The following FAM217A variants were observed in gnomAD, a reference collection of about 807,000 sequenced individuals.
FAM217A encodes the protein protein FAM217A.
Under a neutral mutation model 18.5 loss-of-function variants are expected in FAM217A, and 13 were observed. That is an observed-to-expected ratio of 0.70 (90% confidence interval 0.46 to 1.12). The LOEUF is 1.12. Ranked by LOEUF, FAM217A falls within the 50% of genes most tolerant of loss-of-function variation. The pLI is 0.00. For missense variants in FAM217A, 560 were observed against 575.4 expected (o/e 0.97, Z 0.27); for synonymous variants, 161 against 202.8 (o/e 0.79, Z 1.75).
intron 1 of FAM217A, among the ~76,000 whole-genome samples, chr6:4,085,311 A>AAAAAAATATATATATATAT (rs377046907): frequency 6.8e-6 from 1 of 146,420 alleles, no homozygotes; most frequent in East Asian, 2.0e-4. Flanking sequence ...TGTAAAAAAA[A>AAAAAAATATATATATATAT]ATATATATAT....
chr6:4,081,255 T>G (rs1770276091), upstream of FAM217A, among the ~76,000 whole-genome samples: 1 of 152,224 alleles, frequency 6.6e-6, no homozygotes, highest in South Asian at 2.1e-4. Context: ...GATAATCCAA[T>G]GAAGCAGGTA....
exon 1 of FAM217A, chr6:4,087,023 G>A: frequency 2.5e-6 from 1 of 398,970 alleles, no homozygotes. Flanking sequence ...TGTTAATCTG[G>A]GCATTTCCTC....
intron 4 of FAM217A, among the ~76,000 whole-genome samples, chr6:4,073,776 C>G (rs1258115556): frequency 6.6e-6 from 1 of 152,062 alleles, no homozygotes; most frequent in African/African-American, 2.4e-5. Flanking sequence ...ATGTTTTGAT[C>G]AAAAAGGATA....
chr6:4,078,951 C>T lies in FAM217A; in HGVS notation c.-134G>A. ...CGTGGCTGACGGCTTGGAGGGCGCC[C>T]CCTCTGCCGCGGCCTTCCTGCAGCG... is the stretch of plus-strand genomic sequence containing the variant. On this transcript the variant is annotated 5_prime_UTR_variant, in exon 1 of 7. Transcript: ENST00000274673. 1 of 545,778 alleles carries T rather than the reference C, an allele frequency of 1.8e-6. No individual in the cohort carries two copies. The highest frequency in any genetic ancestry group is 3.2e-6 in the Non-Finnish European group (1 of 308,992). 33.8% of individuals were successfully genotyped at this position (545,778 alleles called of 1,614,324 possible).
Position 4,069,745 on chromosome 6 carries a change from TA to T in FAM217A, c.477del (p.Phe159LeufsTer15). On this transcript the variant is annotated frameshift_variant, in exon 7 of 7. Coordinates refer to ENST00000274673, the MANE Select transcript of FAM217A (RefSeq NM_173563.3). LOFTEE classifies it low-confidence loss of function (END_TRUNC). ...LCWPYADGDF[F>X]KNRNEIHVSS... The stretch of plus-strand genomic sequence containing the variant: ...CTAACATGAATCTCATTTCTGTTCT[TA>T]AAAAAGTCTCCATCAGCATAGGGCC... 6.2e-7 allele frequency: 1 copy of T among 1,614,150 alleles called. No individual in the cohort carries two copies. The highest frequency in any genetic ancestry group is 8.5e-7 in the Non-Finnish European group (1 of 1,180,006).
rs555576706 is a variant in FAM217A, at chr6:4,079,086, G to A, written c.-269C>T. 7 of 359,436 alleles carry A rather than the reference G, an allele frequency of 1.9e-5. No individual in the cohort carries two copies. The South Asian group carries it at 9.6e-4, about 49-fold the overall frequency. 22.3% of individuals were successfully genotyped at this position (359,436 alleles called of 1,614,324 possible). On this transcript the variant is annotated 5_prime_UTR_variant, in exon 1 of 7. Coordinates refer to ENST00000274673, the MANE Select transcript of FAM217A (RefSeq NM_173563.3). Reference sequence around the variant, plus strand: ...CGCAGGGGTGGGAGTCGGGCCCGGGGCCCAGAGAGACCTTCCGGGGCCGGG... The same window carrying A: ...CGCAGGGGTGGGAGTCGGGCCCGGGACCCAGAGAGACCTTCCGGGGCCGGG...
At position 4,078,875 on chromosome 6, in the gene FAM217A, C is replaced by A. The variant is rs927957011; in HGVS notation, c.-58G>T. 33 of 549,102 alleles carry A rather than the reference C, an allele frequency of 6.0e-5. No homozygotes were observed. The highest frequency in any genetic ancestry group is 1.0e-4 in the Non-Finnish European group (31 of 305,132). 34.0% of individuals were successfully genotyped at this position (549,102 alleles called of 1,614,324 possible). A position where few individuals can be genotyped will look rare whatever the true frequency, so the allele number is the denominator to read the frequency against. ...ACCGCGCGAAGGCCCACGTGTCCTC[C>A]CCGGCGTGCTCTCCCGGTGCGCCGC... is the stretch of plus-strand genomic sequence containing the variant. On this transcript the variant is annotated 5_prime_UTR_variant, in exon 1 of 7. Transcript: ENST00000274673.
At position 4,069,050 on chromosome 6, in the gene FAM217A, G is replaced by T. The variant is rs751888907; in HGVS notation, c.1173C>A (p.Thr391=). The change falls in exon 7 of 7, where the codon ACC becomes ACA. Residue 391 remains threonine, a synonymous_variant. Coordinates refer to ENST00000274673, the MANE Select transcript of FAM217A (RefSeq NM_173563.3). The part of the protein sequence containing the change: ...SRPLSLKSSS[T]PKQLIETYDK... ...CATAAGTTTCAATCAATTGTTTTGG[G>T]GTGGAAGAACTTTTTAGAGACAGTG... 5.6e-6 allele frequency: 9 copies of T among 1,613,788 alleles called. No homozygotes were observed. In the Admixed American group the frequency reaches 6.7e-5, roughly 12 times the overall value.
At position 4,078,891 on chromosome 6, in the gene FAM217A, G is replaced by A. The variant is rs1770057353; in HGVS notation, c.-74C>T. ...CGTGTCCTCCCCGGCGTGCTCTCCCGGTGCGCCGCCCCGAGGCCCGAGCGC... is the reference window on the plus strand; with the variant it reads ...CGTGTCCTCCCCGGCGTGCTCTCCCAGTGCGCCGCCCCGAGGCCCGAGCGC... On this transcript the variant is annotated 5_prime_UTR_variant, in exon 1 of 7. Coordinates refer to ENST00000274673, the MANE Select transcript of FAM217A (RefSeq NM_173563.3). 1.7e-6 allele frequency: 1 copy of A among 579,716 alleles called. No individual in the cohort carries two copies. Among genetic ancestry groups the A allele is most frequent in the Non-Finnish European group, 3.1e-6 (1 of 322,636 alleles). 35.9% of individuals were successfully genotyped at this position (579,716 alleles called of 1,614,324 possible). A position where few individuals can be genotyped will look rare whatever the true frequency, so the allele number is the denominator to read the frequency against.
At chr6:4,074,148 G>A (rs528431024) in intron 4 of FAM217A, among the ~76,000 whole-genome samples, 39 of 152,112 alleles carry the variant, frequency 2.6e-4, no homozygotes, top group African/African-American at 6.5e-4. Context: ...CACTGCACCC[G>A]GCCTGCTTCA....
Position 4,068,981 on chromosome 6 carries a change from G to C in FAM217A, c.1242C>G (p.Leu414=). ...TATGGCCAATAGTAGGTTTGAATGAGAGTTCTTGGCATGGACTTAAAATAG... is the reference window on the plus strand; with the variant it reads ...TATGGCCAATAGTAGGTTTGAATGACAGTTCTTGGCATGGACTTAAAATAG... ...KSSILSPCQE[L]SFKPTIGHTN... Residue 414 remains leucine (L), a synonymous_variant, in exon 7 of 7, where the codon CTC becomes CTG. Coordinates refer to ENST00000274673, the MANE Select transcript of FAM217A (RefSeq NM_173563.3). 1 of 1,614,148 alleles carries C rather than the reference G, an allele frequency of 6.2e-7. No individual in the cohort carries two copies.
chr6:4,073,234 T>C, intron 6 of FAM217A, 41 bp downstream of exon 6: 1 of 1,415,818 alleles, frequency 7.1e-7, no homozygotes, highest in Non-Finnish European at 9.8e-7. Flanking sequence ...TCTAAATTTA[T>C]TTCAGTAATT....
chr6:4,081,231 C>T (rs1770274301), upstream of FAM217A, among the ~76,000 whole-genome samples: 1 of 152,182 alleles, frequency 6.6e-6, no homozygotes, highest in Admixed American at 6.5e-5. Context: ...ATGGATTAAC[C>T]AATGTATATG....
At chr6:4,079,704 T>C, upstream of FAM217A, 1 of 1,214,122 alleles carries the variant, frequency 8.2e-7, no homozygotes, top group Non-Finnish European at 1.1e-6. Flanking sequence ...CAGACTAAGC[T>C]ACAATATATA....
rs138399485 is a variant in FAM217A, at chr6:4,077,385, G to C, written c.30C>G (p.Asn10Lys). ...GAGAGATGTTTGACACACGTAGGCT[G>C]TTAGCACAGTTCTCATTTCTTCTCC... is the stretch of plus-strand genomic sequence containing the variant. MGRRNENCA[N>K]SLRVSNISQE... The change falls in exon 2 of 7, where the codon AAC becomes AAG. Residue 10 changes from asparagine to lysine, a missense_variant. Transcript: ENST00000274673. The C allele has an allele frequency of 3.8e-5, 61 of 1,614,198 alleles. No individual in the cohort carries two copies. The African/African-American group carries it at 7.7e-4, about 20-fold the overall frequency.
In FAM217A at chr6:4,077,316, C is replaced by A. The variant is rs754593246; in HGVS notation, c.60+39G>T. The A allele has an allele frequency of 5.6e-6, 9 of 1,609,076 alleles. No individual in the cohort carries two copies. In the African/African-American group the frequency reaches 9.4e-5, roughly 17 times the overall value. On this transcript the variant is annotated intron_variant, in intron 2 of 6. Coordinates refer to ENST00000274673, the MANE Select transcript of FAM217A (RefSeq NM_173563.3). ...GGAGTTACGTGTTAGCAACAGGAGC[C>A]GCTGCCCAAACACTCAAGTTCAACA...
At chr6:4,077,221 A>G (rs1769867541) in intron 2 of FAM217A, 134 bp downstream of exon 2, 2 of 788,818 alleles carry the variant, frequency 2.5e-6, no homozygotes, top group Non-Finnish European at 4.0e-6. Flanking sequence ...AAATGTGCCA[A>G]AAGGAAAACA....
At chr6:4,075,477 A>C (rs1189978975) in intron 2 of FAM217A, among the ~76,000 whole-genome samples, 1 of 152,242 alleles carries the variant, frequency 6.6e-6, no homozygotes, top group Non-Finnish European at 1.5e-5. Context: ...GTGGAGGAAC[A>C]CTTAGGAAAT....
intron 6 of FAM217A, 100 bp downstream of exon 6, chr6:4,073,175 C>A: frequency 2.2e-6 from 2 of 927,872 alleles, no homozygotes; most frequent in Admixed American, 2.6e-5. Flanking sequence ...ATACTATTTT[C>A]TTCTGGTTGT....
Sources: gnomAD v4.1 joint callset for allele counts (sites outside exome capture counted in the v4.1 genomes callset) on GRCh38, gnomAD v4.1.1 for gene constraint, MANE v1.5 for transcripts, NCBI Gene and HGNC (gene_info 2026-07-23, HGNC 2026-07-21) for gene names.